Variants in MGAT4C observed in about 807,000 individuals in gnomAD.
MGAT4C encodes the protein alpha-1,3-mannosyl-glycoprotein 4-beta-N-acetylglucosaminyltransferase C.
A neutral mutation model predicts 40.1 loss-of-function variants in MGAT4C; 19 were observed. That is an observed-to-expected ratio of 0.47 (90% CI 0.33 to 0.70). The LOEUF is 0.70. Ranked by LOEUF, MGAT4C falls within the 30% of genes least tolerant of loss-of-function variation. MGAT4C has a pLI of 0.02. For missense variants in MGAT4C, 491 were observed against 563.2 expected, an observed-to-expected ratio of 0.87 and a Z score of 1.30; for synonymous variants, 181 against 187.1, an observed-to-expected ratio of 0.97 and a Z score of 0.27.
chr12:86,834,989 T>C (rs1340790315), intron 1 of MGAT4C, among the ~76,000 whole-genome samples: 1 of 151,974 alleles, frequency 6.6e-6, no homozygotes, highest in Non-Finnish European at 1.5e-5. Context: ...CACAGATAAA[T>C]TCAATATAAC....
At chr12:86,083,452 G>C (rs1871215651) in intron 1 of MGAT4C, among the ~76,000 whole-genome samples, 1 of 152,014 alleles carries the variant, frequency 6.6e-6, no homozygotes, top group Admixed American at 6.6e-5. Context: ...GCAGGGTTCT[G>C]TATGATCTGT....
intron 1 of MGAT4C, among the ~76,000 whole-genome samples, chr12:86,730,052 G>A (rs1950883321): frequency 6.6e-6 from 1 of 152,026 alleles, no homozygotes; most frequent in South Asian, 2.1e-4. Context: ...CACAAGCATT[G>A]CAAATTGACA....
At chr12:86,715,794 C>A (rs910442532) in intron 2 of MGAT4C, among the ~76,000 whole-genome samples, 2 of 152,016 alleles carry the variant, frequency 1.3e-5, no homozygotes, top group Non-Finnish European at 2.9e-5. Context: ...GATTATTATT[C>A]TGTGTATGAA....
At chr12:86,066,776 C>A (rs1287225021) in intron 1 of MGAT4C, among the ~76,000 whole-genome samples, 1 of 151,942 alleles carries the variant, frequency 6.6e-6, no homozygotes, top group African/African-American at 2.4e-5. Context: ...AACAGGCAAC[C>A]TAAAGAATGG....
chr12:86,457,656 G>GT (rs1957531183), intron 2 of MGAT4C, among the ~76,000 whole-genome samples: 1 of 152,046 alleles, frequency 6.6e-6, no homozygotes, highest in African/African-American at 2.4e-5. Flanking sequence ...AAAATAGCAT[G>GT]TTAATTTATT....
chr12:86,801,261 T>A (rs977843052), intron 1 of MGAT4C, among the ~76,000 whole-genome samples: 1 of 151,750 alleles, frequency 6.6e-6, no homozygotes, highest in African/African-American at 2.4e-5. Context: ...AACCACAACT[T>A]GAGAGAGCTT....
At chr12:86,717,125 G>T (rs375120781) in intron 2 of MGAT4C, among the ~76,000 whole-genome samples, 5 of 151,420 alleles carry the variant, frequency 3.3e-5, no homozygotes, top group East Asian at 1.9e-4. Flanking sequence ...CTCTGCCTTA[G>T]AGCACAATTT....
At chr12:86,499,966 T>C (rs1250821236) in intron 2 of MGAT4C, among the ~76,000 whole-genome samples, 1 of 151,770 alleles carries the variant, frequency 6.6e-6, no homozygotes, top group Non-Finnish European at 1.5e-5. Context: ...CCAATTTCTA[T>C]GAAAGGTGGG....
At chr12:86,359,402 T>A (rs946368866) in intron 3 of MGAT4C, among the ~76,000 whole-genome samples, 1 of 151,318 alleles carries the variant, frequency 6.6e-6, no homozygotes. Flanking sequence ...CACCCTAACA[T>A]CACAATTAAA....
At chr12:86,022,808 A>T (rs1389229615) in intron 2 of MGAT4C, among the ~76,000 whole-genome samples, 1 of 152,180 alleles carries the variant, frequency 6.6e-6, no homozygotes, top group East Asian at 1.9e-4. Context: ...TAGAGGCATG[A>T]TGTTACAAAA....
At chr12:86,354,043 T>C (rs982590679) in intron 3 of MGAT4C, among the ~76,000 whole-genome samples, 3 of 152,162 alleles carry the variant, frequency 2.0e-5, no homozygotes, top group East Asian at 3.9e-4. Flanking sequence ...AACCAACACA[T>C]GAAAAGTTCG....
intron 2 of MGAT4C, among the ~76,000 whole-genome samples, chr12:86,603,199 T>C (rs144516955): frequency 6.9e-6 from 1 of 145,616 alleles, no homozygotes; most frequent in Non-Finnish European, 1.5e-5. Context: ...ATATTCTATA[T>C]AGAATAATAC....
At chr12:86,227,239 C>T (rs111992217) in intron 1 of MGAT4C, among the ~76,000 whole-genome samples, 1 of 151,194 alleles carries the variant, frequency 6.6e-6, no homozygotes. Flanking sequence ...TTTTACTTTT[C>T]CTCATTTTTA....
chr12:86,702,202 C>A (rs990953970), intron 2 of MGAT4C, among the ~76,000 whole-genome samples: 1 of 139,692 alleles, frequency 7.2e-6, no homozygotes, highest in Non-Finnish European at 1.6e-5. Flanking sequence ...ACCCACACAC[C>A]CAGCTATTTT....
At chr12:86,407,480 T>C (rs1956497428) in intron 3 of MGAT4C, among the ~76,000 whole-genome samples, 1 of 152,102 alleles carries the variant, frequency 6.6e-6, no homozygotes, top group South Asian at 2.1e-4. Context: ...ATATTAGGTA[T>C]GCAGACCTCA....
chr12:86,833,959 G>A (rs886691019), intron 1 of MGAT4C, among the ~76,000 whole-genome samples: 9 of 151,628 alleles, frequency 5.9e-5, no homozygotes, highest in African/African-American at 2.2e-4. Context: ...ATTTTACTTA[G>A]CATAATGTCC....
chr12:86,366,567 TAGG>T (rs1434692070), intron 3 of MGAT4C, among the ~76,000 whole-genome samples: 1 of 152,112 alleles, frequency 6.6e-6, no homozygotes, highest in Non-Finnish European at 1.5e-5. Flanking sequence ...TGGGGACTAC[TAGG>T]AGGAGGAGAG....
intron 3 of MGAT4C, among the ~76,000 whole-genome samples, chr12:86,361,552 C>A (rs1161950260): frequency 1.3e-5 from 2 of 152,186 alleles, no homozygotes; most frequent in Admixed American, 6.5e-5. Context: ...AACAGGCAAC[C>A]TACAGAATGG....
intron 2 of MGAT4C, among the ~76,000 whole-genome samples, chr12:86,616,341 T>C (rs932472486): frequency 2.0e-5 from 3 of 152,108 alleles, no homozygotes; most frequent in Non-Finnish European, 2.9e-5. Context: ...GACAAATTAA[T>C]AATCTACTAG....
Sources: allele counts gnomAD v4.1 joint callset (sites outside exome capture counted in the v4.1 genomes callset), GRCh38; gene constraint gnomAD v4.1.1; transcripts MANE v1.5; gene names NCBI Gene and HGNC (gene_info 2026-07-23, HGNC 2026-07-21).